TMCO6: variants seen among roughly 807,000 people sequenced by gnomAD.
The protein encoded by TMCO6 is transmembrane and coiled-coil domain-containing protein 6.
TMCO6 carries 47 observed loss-of-function variants against 61.8 expected under a neutral mutation model. The observed-to-expected ratio is 0.76, with a 90% confidence interval of 0.60 to 0.97. The LOEUF is 0.97. Among genes scored for constraint, TMCO6 ranks in the 50% least tolerant of loss-of-function variants. TMCO6 has a pLI of 0.00. For missense variants in TMCO6, 557 were observed against 601.6 expected (o/e 0.93, Z 0.78); for synonymous variants, 261 against 254.2 (o/e 1.03, Z -0.25).
At chr5:140,620,976 A>G in the TMCO6 span, among the ~76,000 whole-genome samples, 1 of 152,178 alleles carries the variant, frequency 6.6e-6, no homozygotes, top group East Asian at 1.9e-4. Flanking sequence ...TTGTGCCACT[A>G]CACTCCAACC....
Position 140,639,467 on chromosome 5 carries a change from T to G in TMCO6, c.-61T>G, listed in dbSNP as rs1756871016. ...TGAGGCTGCGCAGTCGGTGCCATCT[T>G]CTACGCCCCTGGGAGCGTTGTGGCT... is the stretch of plus-strand genomic sequence containing the variant. On this transcript the variant is annotated 5_prime_UTR_variant, in exon 1 of 12. Transcript: ENST00000394671. 6.6e-7 allele frequency: 1 copy of G among 1,504,614 alleles called. No homozygotes were observed. The highest frequency in any genetic ancestry group is 2.0e-5 in the Admixed American group (1 of 50,868). The allele number at this position is 1,504,614 out of a possible 1,614,324, so 93.2% of individuals were successfully genotyped here.
chr5:140,598,828 C>G, the TMCO6 span, among the ~76,000 whole-genome samples: 4 of 152,052 alleles, frequency 2.6e-5, no homozygotes, highest in African/African-American at 7.3e-5. Flanking sequence ...CCCAGCTACT[C>G]GGGAGGCTGA....
intron 9 of TMCO6, 67 bp downstream of exon 9, chr5:140,644,033 T>C: frequency 6.2e-7 from 1 of 1,613,584 alleles, no homozygotes; most frequent in Non-Finnish European, 8.5e-7. Context: ...TGGCCTAGGC[T>C]GAGGTGGGTA....
At chr5:140,600,804 G>A in the TMCO6 span, among the ~76,000 whole-genome samples, 3 of 152,086 alleles carry the variant, frequency 2.0e-5, no homozygotes, top group Non-Finnish European at 4.4e-5. Flanking sequence ...ATAATACTAG[G>A]GAGGGGAAAT....
rs1234918470 is a variant in TMCO6 at position 140,642,419 on chromosome 5, G to A, written c.603G>A (p.Gln201=). The change falls in exon 5 of 12, where the codon CAG becomes CAA. Residue 201 remains glutamine, a splice_region_variant and synonymous_variant. Coordinates refer to ENST00000394671, the MANE Select transcript of TMCO6 (RefSeq NM_018502.5). ...TTCCAGCCTTGGCTGCCTGCATCCA[G>A]GTGACTCCTTTCTTCCTCCCTGGGC... ...GIVPALAACI[Q]SPHVAVLEAL... 1.6e-5 allele frequency: 26 copies of A among 1,612,174 alleles called. No individual in the cohort carries two copies. Among genetic ancestry groups the A allele is most frequent in the Non-Finnish European group, 2.2e-5 (26 of 1,179,116 alleles).
upstream of TMCO6, among the ~76,000 whole-genome samples, chr5:140,636,450 C>T (rs1366345299): frequency 1.3e-5 from 2 of 148,676 alleles, no homozygotes; most frequent in African/African-American, 5.0e-5. Context: ...GCGTGGGCAA[C>T]CGAGCAAGAC....
Position 140,639,595 on chromosome 5 carries a change from G to A in TMCO6, c.68G>A (p.Arg23Gln), listed in dbSNP as rs964942826. 9.7e-6 allele frequency: 15 copies of A among 1,543,848 alleles called. No homozygotes were observed. In the African/African-American group the frequency reaches 2.1e-4, roughly 21 times the overall value. Residue 23 changes from arginine (R) to glutamine (Q), a missense_variant, in exon 1 of 12, where the codon CGG becomes CAG. Arg to Gln is a conservative substitution (Grantham distance 43). Transcript: ENST00000394671. ...VCGVEELRRR[R>Q]REREAALRKA... ...GGGGTGGAGGAGCTACGGCGCCGCC[G>A]GCGGGAGCGGGAGGCAGGTGTGGGC...
intron 2 of TMCO6, among the ~76,000 whole-genome samples, chr5:140,640,292 T>C (rs1429762536): frequency 6.6e-6 from 1 of 152,190 alleles, no homozygotes; most frequent in Non-Finnish European, 1.5e-5. Context: ...CTACCCACCG[T>C]CCTCTTTTTA....
chr5:140,628,075 C>A, the TMCO6 span, among the ~76,000 whole-genome samples: 3 of 151,396 alleles, frequency 2.0e-5, no homozygotes, highest in South Asian at 6.3e-4. Context: ...GTGGCGCAAC[C>A]TCGGCTCACC....
At chr5:140,600,900 T>C in the TMCO6 span, among the ~76,000 whole-genome samples, 2 of 152,206 alleles carry the variant, frequency 1.3e-5, no homozygotes, top group African/African-American at 2.4e-5. Flanking sequence ...AACATACGAA[T>C]TTTAATCCAA....
intron 2 of TMCO6, among the ~76,000 whole-genome samples, chr5:140,640,719 A>G (rs555158412): frequency 6.6e-6 from 1 of 152,298 alleles, no homozygotes; most frequent in East Asian, 1.9e-4. Flanking sequence ...CTTGTAGAAT[A>G]TTAATCATTA....
At chr5:140,638,617 C>A (rs1455786536), upstream of TMCO6, 2 of 149,186 alleles carry the variant, frequency 1.3e-5, no homozygotes, top group Non-Finnish European at 3.0e-5. Context: ...GGCAATGGGG[C>A]GCGATCTCGG....
chr5:140,612,449 C>A, the TMCO6 span, among the ~76,000 whole-genome samples: 2 of 151,126 alleles, frequency 1.3e-5, no homozygotes, highest in South Asian at 2.1e-4. Context: ...ACGCCATTCT[C>A]CTGCCTCAGC....
At chr5:140,602,158 C>T in the TMCO6 span, among the ~76,000 whole-genome samples, 8 of 152,282 alleles carry the variant, frequency 5.3e-5, no homozygotes, top group South Asian at 2.1e-4. Flanking sequence ...CTTACTCACA[C>T]CTCCAAGGCT....
At chr5:140,633,876 G>A in the TMCO6 span, among the ~76,000 whole-genome samples, 1 of 146,082 alleles carries the variant, frequency 6.8e-6, no homozygotes, top group African/African-American at 2.5e-5. Flanking sequence ...TGCAACCTCC[G>A]CCTCCTGGGT....
rs767969192 is a variant in TMCO6 at position 140,641,715 on chromosome 5, A to C, written c.249A>C (p.Arg83Ser). Residue 83 changes from arginine (R) to serine (S), a missense_variant, in exon 3 of 12, where the codon AGA (arginine) becomes AGC (serine). Arg to Ser is a moderately radical substitution (Grantham distance 110). Transcript: ENST00000394671. ...AGCGGGGGACAGAGGAAAAGGAGAG[A>C]GAGGGGGCTCTGGTCAGCCTTCGTC... ...QAQRGTEEKEREGALVSLRRG... is the reference protein window; with the variant it reads ...QAQRGTEEKESEGALVSLRRG... 6.2e-7 allele frequency: 1 copy of C among 1,614,194 alleles called. No homozygotes were observed. The highest frequency in any genetic ancestry group is 8.5e-7 in the Non-Finnish European group (1 of 1,180,040).
the TMCO6 span, among the ~76,000 whole-genome samples, chr5:140,597,557 C>G: frequency 6.6e-6 from 1 of 152,206 alleles, no homozygotes; most frequent in Non-Finnish European, 1.5e-5. Context: ...TTGGATTTCC[C>G]TAATTGGGTT....
the TMCO6 span, among the ~76,000 whole-genome samples, chr5:140,613,629 A>G: frequency 1.3e-5 from 2 of 152,140 alleles, no homozygotes; most frequent in Non-Finnish European, 2.9e-5. Context: ...ACATTGCTCC[A>G]GCAGGACTCC....
At chr5:140,637,994 T>TCTTTCTTTCTTTCTTTCTTC (rs1187874015), upstream of TMCO6, among the ~76,000 whole-genome samples, 1 of 146,528 alleles carries the variant, frequency 6.8e-6, no homozygotes. Context: ...TTTCTTTCTT[T>TCTTTCTTTCTTTCTTTCTTC]CTTCCTTCCT....
Sources: gnomAD v4.1 joint callset for allele counts (sites outside exome capture counted in the v4.1 genomes callset) on GRCh38, gnomAD v4.1.1 for gene constraint, MANE v1.5 for transcripts, NCBI Gene and HGNC (gene_info 2026-07-23, HGNC 2026-07-21) for gene names.